HDAC9: variants seen among roughly 807,000 people sequenced by gnomAD.
HDAC9 encodes the protein MEF-2 interacting transcription repressor (MITR) protein.
In HDAC9, 41 loss-of-function variants were observed where a neutral mutation model predicts 139.4. The observed-to-expected ratio is 0.29, with a 90% CI of 0.23 to 0.38. HDAC9 has a LOEUF of 0.38. HDAC9 is among the 10% of genes least tolerant of loss of function. The probability of loss-of-function intolerance (pLI) is 1.00; values close to 1 mark genes in which losing one functional copy is unlikely to be tolerated. For missense variants in HDAC9, 1,147 were observed against 1,297.0 expected, an observed-to-expected ratio of 0.88 and a Z score of 1.78; for synonymous variants, 517 against 476.2, an observed-to-expected ratio of 1.09 and a Z score of -1.12.
chr7:18,881,966 A>G (rs1799773206), intron 22 of HDAC9, among the ~76,000 whole-genome samples: 1 of 152,102 alleles, frequency 6.6e-6, no homozygotes, highest in South Asian at 2.1e-4. Context: ...ACACAGGGGA[A>G]TACTATGCAG....
intron 2 of HDAC9, among the ~76,000 whole-genome samples, chr7:18,257,401 CCACACA>C (rs773964606): frequency 8.2e-4 from 107 of 130,950 alleles, no homozygotes; most frequent in East Asian, 2.8e-3. Context: ...TCTGTCTCTC[CCACACA>C]CACACACACA....
intron 1 of HDAC9, among the ~76,000 whole-genome samples, chr7:18,381,511 C>T (rs1328561497): frequency 6.6e-6 from 1 of 151,882 alleles, no homozygotes; most frequent in East Asian, 1.9e-4. Context: ...AAACTAATCA[C>T]TGACAAGAAA....
At chr7:18,307,066 T>A (rs578102237) in intron 1 of HDAC9, among the ~76,000 whole-genome samples, 1 of 151,812 alleles carries the variant, frequency 6.6e-6, no homozygotes, top group African/African-American at 2.4e-5. Flanking sequence ...TGTGTTTATA[T>A]CTTGGCCCTT....
rs569815163 is a variant in HDAC9, at chr7:18,382,174, A to G, written c.-42+91659A>G. ...ATGTTCTATATCTATTCCATATCTT[A>G]AAAAAAAAGATAAGACAAAATAAAA... On this transcript the variant is annotated intron_variant, in intron 1 of 3. Transcript: ENST00000413509. 2.2e-4 allele frequency among the ~76,000 whole-genome samples: 33 copies of G among 147,916 alleles called. No homozygotes were observed. In the South Asian group the frequency reaches 6.9e-3, roughly 31 times the overall value.
intron 2 of HDAC9, among the ~76,000 whole-genome samples, chr7:18,499,833 T>G (rs1435057530): frequency 1.3e-5 from 2 of 152,168 alleles, no homozygotes; most frequent in African/African-American, 4.8e-5. Flanking sequence ...CTTCACCCTT[T>G]TTTGAATCCT....
rs191168870 is a variant in HDAC9 at position 18,243,518 on chromosome 7, C to G, written c.25+81169C>G. ...ACAAATGTCATAGAATGGCTGTGCT[C>G]CTTCCAAATTCCACTCAGAGTGGGG... On this transcript the variant is annotated intron_variant, in intron 2 of 12. Transcript: ENST00000417496. Among the ~76,000 whole-genome samples the G allele has an allele frequency of 2.8e-3, 423 of 152,314 alleles. 2 individuals are homozygous for G. Among genetic ancestry groups the G allele is most frequent in the African/African-American group, 9.4e-3 (390 of 41,568 alleles).
chr7:18,989,401 T>C (rs927398803), intron 25 of HDAC9, among the ~76,000 whole-genome samples: 18 of 152,168 alleles, frequency 1.2e-4, no homozygotes, highest in African/African-American at 4.1e-4. Flanking sequence ...TTCTGGCTTG[T>C]AGAGTTTCTG....
At chr7:18,096,959 G>A (rs1218489584) in intron 1 of HDAC9, among the ~76,000 whole-genome samples, 1 of 150,462 alleles carries the variant, frequency 6.6e-6, no homozygotes, top group African/African-American at 2.4e-5. Flanking sequence ...TTATGTACAG[G>A]GCACTTCTAA....
intron 11 of HDAC9, among the ~76,000 whole-genome samples, chr7:18,653,746 C>T (rs547819818): frequency 1.3e-5 from 2 of 152,200 alleles, no homozygotes; most frequent in South Asian, 4.1e-4. Context: ...TAATTATGCT[C>T]AAATGCTGGA....
At chr7:18,278,153 C>T (rs916466169) in intron 2 of HDAC9, among the ~76,000 whole-genome samples, 25 of 152,100 alleles carry the variant, frequency 1.6e-4, no homozygotes, top group African/African-American at 4.8e-4. Context: ...GTAAATTTTC[C>T]GAGCATTTAG....
intron 2 of HDAC9, among the ~76,000 whole-genome samples, chr7:18,215,634 A>T (rs967018624): frequency 6.6e-6 from 1 of 152,180 alleles, no homozygotes; most frequent in Non-Finnish European, 1.5e-5. Context: ...ATTTGGCACC[A>T]AAAGGGGGCA....
intron 12 of HDAC9, among the ~76,000 whole-genome samples, chr7:18,714,527 T>A (rs531423212): frequency 1.3e-5 from 2 of 152,316 alleles, no homozygotes; most frequent in African/African-American, 4.8e-5. Context: ...TATTCACCCT[T>A]ATGAATAGCC....
chr7:18,982,948 A>G (rs145754000), intron 25 of HDAC9, among the ~76,000 whole-genome samples: 1 of 152,278 alleles, frequency 6.6e-6, no homozygotes, highest in African/African-American at 2.4e-5. Context: ...TCAATTAATT[A>G]TTATTGTGGT....
rs529241055 is a variant in HDAC9 at position 18,089,149 on chromosome 7, G to A, written c.-97+1936G>A. On this transcript the variant is annotated intron_variant, in intron 1 of 12. Coordinates refer to the HDAC9 transcript ENST00000417496. The stretch of plus-strand genomic sequence containing the variant: ...ATGGACACGGTTAGATGCACATAAG[G>A]TTGTGCAGAAGGAAGTTAAGGAGTT... Among the ~76,000 whole-genome samples, 247 of 152,286 alleles carry A rather than the reference G, an allele frequency of 1.6e-3. 3 individuals are homozygous for A. The Middle Eastern group carries it at 0.024, about 15-fold the overall frequency.
At chr7:18,291,755 C>A (rs1427976147) in intron 1 of HDAC9, among the ~76,000 whole-genome samples, 1 of 152,148 alleles carries the variant, frequency 6.6e-6, no homozygotes, top group African/African-American at 2.4e-5. Flanking sequence ...TGAATTAATT[C>A]TCTCTACAAA....
intron 12 of HDAC9, among the ~76,000 whole-genome samples, chr7:18,678,247 G>T (rs984896492): frequency 6.6e-6 from 1 of 151,692 alleles, no homozygotes; most frequent in Admixed American, 6.6e-5. Context: ...CTGCTTGTTT[G>T]TAAGATTTTT....
At chr7:18,641,118 C>T (rs925344931) in intron 8 of HDAC9, among the ~76,000 whole-genome samples, 1 of 152,070 alleles carries the variant, frequency 6.6e-6, no homozygotes. Flanking sequence ...CATTCTCACT[C>T]TTTTAATTGA....
At chr7:18,110,895 G>T (rs1042312440) in intron 1 of HDAC9, among the ~76,000 whole-genome samples, 1 of 152,150 alleles carries the variant, frequency 6.6e-6, no homozygotes, top group Non-Finnish European at 1.5e-5. Context: ...GGGAGTCTGG[G>T]ATTCTTTCAC....
At chr7:18,767,066 C>A in intron 15 of HDAC9, 40 bp from the exon 16 acceptor site, 1 of 943,590 alleles carries the variant, frequency 1.1e-6, no homozygotes, top group Non-Finnish European at 1.6e-6. Flanking sequence ...ATTATATAAC[C>A]TCCATTTATC....
Sources: allele counts gnomAD v4.1 joint callset (sites outside exome capture counted in the v4.1 genomes callset), GRCh38; gene constraint gnomAD v4.1.1; transcripts MANE v1.5; gene names NCBI Gene and HGNC (gene_info 2026-07-23, HGNC 2026-07-21).